Variants in HS6ST3 observed in about 807,000 individuals in gnomAD.
The protein encoded by HS6ST3 is heparan-sulfate 6-O-sulfotransferase 3.
A neutral mutation model predicts 36.7 loss-of-function variants in HS6ST3; 12 were observed. That is an observed-to-expected ratio of 0.33 (90% CI 0.21 to 0.53). HS6ST3 has a LOEUF of 0.53. HS6ST3 is among the 20% of genes least tolerant of loss of function. HS6ST3 has a pLI of 0.95. For missense variants in HS6ST3, 584 were observed against 640.9 expected, an observed-to-expected ratio of 0.91 and a Z score of 0.96; for synonymous variants, 240 against 257.5, an observed-to-expected ratio of 0.93 and a Z score of 0.65.
chr13:96,122,181 C>T (rs1043503361), intron 1 of HS6ST3, among the ~76,000 whole-genome samples: 2 of 150,030 alleles, frequency 1.3e-5, no homozygotes, highest in Non-Finnish European at 3.0e-5. Flanking sequence ...AATTGAGGCA[C>T]GGAGAAGTAA....
intron 1 of HS6ST3, among the ~76,000 whole-genome samples, chr13:96,642,973 G>C (rs1374874183): frequency 6.6e-6 from 1 of 151,682 alleles, no homozygotes; most frequent in African/African-American, 2.4e-5. Context: ...TGCATGTTTT[G>C]TAATTTGGGG....
intron 1 of HS6ST3, among the ~76,000 whole-genome samples, chr13:96,344,667 C>T (rs1340102630): frequency 6.6e-6 from 1 of 152,162 alleles, no homozygotes; most frequent in African/African-American, 2.4e-5. Flanking sequence ...CTGAACTGTC[C>T]TCTATTACAA....
At chr13:96,809,653 GC>G (rs1878272739) in intron 1 of HS6ST3, among the ~76,000 whole-genome samples, 1 of 152,146 alleles carries the variant, frequency 6.6e-6, no homozygotes, top group Admixed American at 6.5e-5. Context: ...CCCAGACTCG[GC>G]CATGAGCTCT....
chr13:96,284,914 T>TTGCTTGCTTGCTTG (rs1429214230), intron 1 of HS6ST3, among the ~76,000 whole-genome samples: 5 of 51,450 alleles, frequency 9.7e-5, no homozygotes, highest in African/African-American at 3.3e-4. Flanking sequence ...ATATTTGCTT[T>TTGCTTGCTTGCTTG]CTTTCTTTCT....
intron 1 of HS6ST3, among the ~76,000 whole-genome samples, chr13:96,194,523 A>G (rs1220418290): frequency 6.6e-6 from 1 of 152,134 alleles, no homozygotes; most frequent in Non-Finnish European, 1.5e-5. Context: ...ATATGATGTG[A>G]TATCTTGATA....
At chr13:96,791,869 A>G (rs1877800732) in intron 1 of HS6ST3, among the ~76,000 whole-genome samples, 1 of 152,040 alleles carries the variant, frequency 6.6e-6, no homozygotes, top group Non-Finnish European at 1.5e-5. Context: ...GATTAATGTA[A>G]TAGTTTTATG....
intron 1 of HS6ST3, among the ~76,000 whole-genome samples, chr13:96,289,583 A>C (rs2054819620): frequency 1.3e-5 from 2 of 152,216 alleles, no homozygotes; most frequent in Non-Finnish European, 2.9e-5. Context: ...AAGAGAGTAA[A>C]AGATCTAAAT....
At chr13:96,186,122 A>T (rs564106220) in intron 1 of HS6ST3, among the ~76,000 whole-genome samples, 21 of 151,966 alleles carry the variant, frequency 1.4e-4, no homozygotes, top group African/African-American at 3.6e-4. Context: ...CATATATATA[A>T]TTTTTTTTCC....
At chr13:96,703,121 A>G (rs1296857118) in intron 1 of HS6ST3, among the ~76,000 whole-genome samples, 1 of 152,230 alleles carries the variant, frequency 6.6e-6, no homozygotes, top group Admixed American at 6.5e-5. Context: ...CCTTACATTA[A>G]TTTCAAAATC....
intron 1 of HS6ST3, among the ~76,000 whole-genome samples, chr13:96,687,679 A>T (rs1359257993): frequency 2.0e-5 from 3 of 151,918 alleles, no homozygotes; most frequent in African/African-American, 7.3e-5. Flanking sequence ...ATTATTGCGG[A>T]TAAGGGCAGG....
intron 1 of HS6ST3, among the ~76,000 whole-genome samples, chr13:96,368,632 A>G (rs2055275249): frequency 1.3e-5 from 2 of 152,106 alleles, no homozygotes; most frequent in Admixed American, 1.3e-4. Flanking sequence ...AATTTTTGTC[A>G]GTTATATATT....
chr13:96,092,956 A>C (rs2053772364), intron 1 of HS6ST3, among the ~76,000 whole-genome samples: 1 of 152,174 alleles, frequency 6.6e-6, no homozygotes, highest in African/African-American at 2.4e-5. Flanking sequence ...TATTTTTAAT[A>C]GTGTATTACT....
chr13:96,548,855 T>C (rs2056207678), intron 1 of HS6ST3, among the ~76,000 whole-genome samples: 1 of 152,228 alleles, frequency 6.6e-6, no homozygotes, highest in Non-Finnish European at 1.5e-5. Context: ...CAATCTGCCT[T>C]ACTCGGTCTA....
At chr13:96,665,056 C>T (rs2138427199) in intron 1 of HS6ST3, among the ~76,000 whole-genome samples, 1 of 152,168 alleles carries the variant, frequency 6.6e-6, no homozygotes, top group Non-Finnish European at 1.5e-5. Flanking sequence ...CCTATAGTCC[C>T]AACTACTCAG....
intron 1 of HS6ST3, among the ~76,000 whole-genome samples, chr13:96,306,271 T>G (rs1007682584): frequency 4.6e-5 from 7 of 151,868 alleles, no homozygotes; most frequent in Admixed American, 3.9e-4. Flanking sequence ...GCCCAGCTAA[T>G]TTTTGTATTT....
At chr13:96,503,501 A>G (rs1028239268) in intron 1 of HS6ST3, among the ~76,000 whole-genome samples, 1 of 152,178 alleles carries the variant, frequency 6.6e-6, no homozygotes, top group Non-Finnish European at 1.5e-5. Context: ...GACATGTCAT[A>G]TTCCTGGAAC....
At chr13:96,551,950 T>G (rs1443400456) in intron 1 of HS6ST3, among the ~76,000 whole-genome samples, 1 of 152,238 alleles carries the variant, frequency 6.6e-6, no homozygotes, top group Non-Finnish European at 1.5e-5. Flanking sequence ...TAATTTCTCT[T>G]CTCTGGGAGA....
At chr13:96,355,280 A>G (rs956766229) in intron 1 of HS6ST3, among the ~76,000 whole-genome samples, 1 of 151,790 alleles carries the variant, frequency 6.6e-6, no homozygotes, top group Non-Finnish European at 1.5e-5. Flanking sequence ...AGTTTGGGAG[A>G]AGTTGATTCC....
At chr13:96,702,911 T>C (rs1253433020) in intron 1 of HS6ST3, among the ~76,000 whole-genome samples, 1 of 152,192 alleles carries the variant, frequency 6.6e-6, no homozygotes, top group Non-Finnish European at 1.5e-5. Flanking sequence ...CTTGGAAGTG[T>C]TTATAAACAT....
Sources: allele counts gnomAD v4.1 joint callset (sites outside exome capture counted in the v4.1 genomes callset), GRCh38; gene constraint gnomAD v4.1.1; transcripts MANE v1.5; gene names NCBI Gene and HGNC (gene_info 2026-07-23, HGNC 2026-07-21).